L3MBTL4: variants seen among roughly 807,000 people sequenced by gnomAD.
L3MBTL4 encodes lethal(3)malignant brain tumor-like protein 4.
In L3MBTL4, 70 loss-of-function variants were observed where a neutral mutation model predicts 84.5. The observed-to-expected ratio is 0.83, with a 90% CI of 0.68 to 1.01. L3MBTL4 has a LOEUF of 1.01. L3MBTL4 is among the 50% of genes least tolerant of loss of function. The pLI is 0.00. For missense variants in L3MBTL4, 715 were observed against 754.8 expected, an observed-to-expected ratio of 0.95 and a Z score of 0.62; for synonymous variants, 274 against 259.8, an observed-to-expected ratio of 1.05 and a Z score of -0.52.
At position 6,009,544 on chromosome 18, in the gene L3MBTL4, C is replaced by T. The variant is rs1384298883; in HGVS notation, c.1445-39982G>A. ...TTCATGGGGAAATTGGTTCCAGGAC[C>T]CCTTTGGATACCATTGACAGGATGC... On this transcript the variant is annotated intron_variant, in intron 16 of 18. Transcript: ENST00000317931. Among the ~76,000 whole-genome samples the T allele has an allele frequency of 2.6e-5, 4 of 152,182 alleles. No homozygotes were observed. The East Asian group carries it at 5.8e-4, about 22-fold the overall frequency.
chr18:5,962,479 C>G (rs2095268382), intron 17 of L3MBTL4, among the ~76,000 whole-genome samples: 1 of 152,058 alleles, frequency 6.6e-6, no homozygotes, highest in Admixed American at 6.5e-5. Context: ...CACGTGGTTC[C>G]AGGTGTGGGT....
chr18:5,973,764 T>C lies in L3MBTL4; in HGVS notation c.1445-4202A>G, dbSNP rs1054524960. ...AATGACAGGGCAGAAGGGTCACTTG[T>C]GTACTTCATCCACCAGAGCTGGCAT... is the stretch of plus-strand genomic sequence containing the variant. On this transcript the variant is annotated intron_variant, in intron 16 of 18. Transcript: ENST00000317931. Among the ~76,000 whole-genome samples the C allele has an allele frequency of 5.9e-5, 9 of 152,164 alleles. 1 individual carries two copies. The highest frequency in any genetic ancestry group is 1.3e-4 in the Admixed American group (2 of 15,280).
intron 16 of L3MBTL4, among the ~76,000 whole-genome samples, chr18:6,067,737 G>C (rs893461757): frequency 6.6e-6 from 1 of 151,804 alleles, no homozygotes; most frequent in Non-Finnish European, 1.5e-5. Context: ...CCTTTCTCTA[G>C]TATCTCCTTG....
Position 6,147,092 on chromosome 18 carries a change from T to C in L3MBTL4, c.1097-8796A>G, listed in dbSNP as rs188121322. ...ATCAATAAAGCAAACTGTTCAATTA[T>C]GCACTCTTTCCCATTTCAAATAATT... is the stretch of plus-strand genomic sequence containing the variant. On this transcript the variant is annotated intron_variant, in intron 13 of 18. Coordinates refer to ENST00000317931, the MANE Select transcript of L3MBTL4 (RefSeq NM_001330559.2). Among the ~76,000 whole-genome samples the C allele has an allele frequency of 7.2e-3, 1,094 of 151,706 alleles. 5 individuals carry two copies. The highest frequency in any genetic ancestry group is 0.011 in the Non-Finnish European group (770 of 67,806).
chr18:6,382,936 C>G (rs973328805), intron 1 of L3MBTL4, among the ~76,000 whole-genome samples: 2 of 152,182 alleles, frequency 1.3e-5, no homozygotes, highest in Non-Finnish European at 2.9e-5. Flanking sequence ...CCCAGGTGCT[C>G]TGTCCCAGGG....
At chr18:6,287,416 CT>C (rs1448368652) in intron 4 of L3MBTL4, among the ~76,000 whole-genome samples, 1 of 152,166 alleles carries the variant, frequency 6.6e-6, no homozygotes, top group African/African-American at 2.4e-5. Flanking sequence ...TTTCCCTTCC[CT>C]TCCTAAAATC....
chr18:6,260,286 A>T (rs1011496266), intron 5 of L3MBTL4: 2 of 152,056 alleles, frequency 1.3e-5, no homozygotes, highest in African/African-American at 4.8e-5. Context: ...GTTCCTTGTG[A>T]ATTTTAGAGT....
chr18:6,223,239 C>T (rs569228998), intron 10 of L3MBTL4, among the ~76,000 whole-genome samples: 24 of 152,174 alleles, frequency 1.6e-4, no homozygotes, highest in African/African-American at 5.8e-4. Context: ...GGTTTGAATG[C>T]TCAATTTCCA....
chr18:6,240,525 A>G (rs1247729433), intron 8 of L3MBTL4, among the ~76,000 whole-genome samples: 2 of 152,026 alleles, frequency 1.3e-5, no homozygotes, highest in African/African-American at 4.8e-5. Flanking sequence ...ATAACATAAC[A>G]ATTACAAACC....
intron 14 of L3MBTL4, among the ~76,000 whole-genome samples, chr18:6,133,333 T>TCACACACACACACA (rs71699994): frequency 4.1e-5 from 6 of 146,788 alleles, no homozygotes; most frequent in African/African-American, 1.5e-4. Context: ...CAGCTCTAGA[T>TCACACACACACACA]CACACACACA....
chr18:6,023,293 A>G (rs933953305), intron 16 of L3MBTL4, among the ~76,000 whole-genome samples: 2 of 152,246 alleles, frequency 1.3e-5, no homozygotes, highest in Non-Finnish European at 2.9e-5. Flanking sequence ...AAAGTGGAAA[A>G]TGATCTTTGC....
chr18:6,304,529 A>C (rs1225488540), intron 3 of L3MBTL4, among the ~76,000 whole-genome samples: 1 of 152,244 alleles, frequency 6.6e-6, no homozygotes, highest in East Asian at 1.9e-4. Context: ...TTAGATTACA[A>C]ATTCCAACAA....
intron 17 of L3MBTL4, among the ~76,000 whole-genome samples, chr18:5,964,744 C>T (rs2052254636): frequency 6.6e-6 from 1 of 152,136 alleles, no homozygotes; most frequent in African/African-American, 2.4e-5. Flanking sequence ...ACCAAGCATA[C>T]CTGAGTCATA....
chr18:6,141,948 G>A (rs558842775), intron 13 of L3MBTL4, among the ~76,000 whole-genome samples: 1 of 152,278 alleles, frequency 6.6e-6, no homozygotes, highest in East Asian at 1.9e-4. Flanking sequence ...TCAGGATTCT[G>A]CATCCATGCT....
At chr18:6,264,788 GA>G (rs951656543) in intron 4 of L3MBTL4, among the ~76,000 whole-genome samples, 40 of 151,592 alleles carry the variant, frequency 2.6e-4, no homozygotes, top group African/African-American at 6.0e-4. Context: ...TCATCTTGGG[GA>G]AAAAAAAATC....
At chr18:6,347,501 A>C (rs1338309230) in intron 1 of L3MBTL4, among the ~76,000 whole-genome samples, 2 of 151,738 alleles carry the variant, frequency 1.3e-5, no homozygotes, top group African/African-American at 4.8e-5. Flanking sequence ...ATATCTTTTT[A>C]TATGTCAATC....
intron 18 of L3MBTL4, among the ~76,000 whole-genome samples, chr18:5,956,911 T>G (rs62935561): frequency 2.0e-5 from 1 of 49,288 alleles, no homozygotes; most frequent in Non-Finnish European, 4.0e-5. Flanking sequence ...GATTTAGGAA[T>G]TTTTTTTTTA....
At chr18:6,321,896 C>T (rs1051088508) in intron 1 of L3MBTL4, among the ~76,000 whole-genome samples, 14 of 151,508 alleles carry the variant, frequency 9.2e-5, no homozygotes, top group South Asian at 2.1e-4. Context: ...AGACTCAGAA[C>T]GGGGAGGCTA....
rs2047443657 is a variant in L3MBTL4 at position 6,241,382 on chromosome 18, C to G, written c.528G>C (p.Lys176Asn). ...LKACKLQNAP[K>N]KLFRNRSPNG... Reference sequence around the variant, plus strand: ...CAGGACTTCTGTTTCTGAATAATTTCTTTGGAGCATTTTGCAATTTGCAGG... The same window carrying G: ...CAGGACTTCTGTTTCTGAATAATTTGTTTGGAGCATTTTGCAATTTGCAGG... The change falls in exon 8 of 19, where the codon AAG becomes AAC. Residue 176 changes from lysine to asparagine, a missense_variant. Lys to Asn is a moderately conservative substitution (Grantham distance 94). Coordinates refer to ENST00000317931, the MANE Select transcript of L3MBTL4 (RefSeq NM_001330559.2). 1 of 1,598,532 alleles carries G rather than the reference C, an allele frequency of 6.3e-7. No homozygotes were observed. The highest frequency in any genetic ancestry group is 8.6e-7 in the Non-Finnish European group (1 of 1,169,418).
Sources: allele counts gnomAD v4.1 joint callset (sites outside exome capture counted in the v4.1 genomes callset), GRCh38; gene constraint gnomAD v4.1.1; transcripts MANE v1.5; gene names NCBI Gene and HGNC (gene_info 2026-07-23, HGNC 2026-07-21).